The following GABRA2 variants were observed in gnomAD, a reference collection of about 807,000 sequenced individuals.
GABRA2 encodes the protein gamma-aminobutyric acid type A receptor subunit alpha2.
A neutral mutation model predicts 48.7 loss-of-function variants in GABRA2; 16 were observed. The observed-to-expected ratio is 0.33, with a 90% CI of 0.22 to 0.50. GABRA2 has a LOEUF of 0.50. GABRA2 is among the 20% of genes least tolerant of loss of function. The probability of loss-of-function intolerance (pLI) is 0.98; values close to 1 mark genes in which losing one functional copy is unlikely to be tolerated. For missense variants in GABRA2, 275 were observed against 535.6 expected, an observed-to-expected ratio of 0.51 and a Z score of 4.80; for synonymous variants, 185 against 184.5, an observed-to-expected ratio of 1.00 and a Z score of -0.02.
At chr4:46,386,844 A>T (rs1717528576) in intron 2 of GABRA2, 1 of 152,284 alleles carries the variant, frequency 6.6e-6, no homozygotes, top group Admixed American at 6.5e-5. Flanking sequence ...AGCTGCAGAG[A>T]TCCTTAGAGC....
In GABRA2 at chr4:46,315,853, A is replaced by G. The variant is rs1015424397; in HGVS notation, c.256-3137T>C. Among the ~76,000 whole-genome samples the G allele has an allele frequency of 5.3e-5, 8 of 151,566 alleles. No individual in the cohort carries two copies. The East Asian group carries it at 1.4e-3, about 26-fold the overall frequency. Reference sequence around the variant, plus strand: ...TTCCTCTTCTGTTTATCCCTTCTCAATCACAGCCCCCTAGTCTCTGAGGAA... The same window carrying G: ...TTCCTCTTCTGTTTATCCCTTCTCAGTCACAGCCCCCTAGTCTCTGAGGAA... On this transcript the variant is annotated intron_variant, in intron 4 of 9. Transcript: ENST00000381620.
At chr4:46,264,270 G>A (rs1186659224) in intron 8 of GABRA2, among the ~76,000 whole-genome samples, 1 of 151,954 alleles carries the variant, frequency 6.6e-6, no homozygotes, top group African/African-American at 2.4e-5. Context: ...TGCAAATAGG[G>A]AGAGTTTTAC....
rs1713852557 is a variant in GABRA2, at chr4:46,247,129, G to T, written c.*3179C>A. On this transcript the variant is annotated 3_prime_UTR_variant, in exon 10 of 10. Coordinates refer to ENST00000381620, the MANE Select transcript of GABRA2 (RefSeq NM_000807.4). ...TCAAGGGGATCACTTATCCAAACCTGAGATAAATTCAAAATAGAGAGATAC... is the reference window on the plus strand; with the variant it reads ...TCAAGGGGATCACTTATCCAAACCTTAGATAAATTCAAAATAGAGAGATAC... Among the ~76,000 whole-genome samples the T allele has an allele frequency of 6.6e-6, 1 of 151,160 alleles. No homozygotes were observed. Among genetic ancestry groups the T allele is most frequent in the South Asian group, 2.1e-4 (1 of 4,822 alleles).
chr4:46,347,271 T>A (rs1434222460), intron 3 of GABRA2, among the ~76,000 whole-genome samples: 1 of 151,754 alleles, frequency 6.6e-6, no homozygotes, highest in African/African-American at 2.4e-5. Flanking sequence ...TGACAAAATA[T>A]CTTGAATAGC....
At chr4:46,258,663 G>A (rs1716338433) in intron 9 of GABRA2, among the ~76,000 whole-genome samples, 1 of 151,744 alleles carries the variant, frequency 6.6e-6, no homozygotes, top group African/African-American at 2.4e-5. Context: ...AATAGTGGCA[G>A]CTGCCAGGAT....
chr4:46,275,803 T>C (rs894170012), intron 8 of GABRA2, among the ~76,000 whole-genome samples: 9 of 152,252 alleles, frequency 5.9e-5, no homozygotes, highest in African/African-American at 1.7e-4. Flanking sequence ...TTGTGATAAA[T>C]AGTACATCAT....
At chr4:46,304,435 G>C (rs1726279305) in intron 7 of GABRA2, among the ~76,000 whole-genome samples, 1 of 151,950 alleles carries the variant, frequency 6.6e-6, no homozygotes, top group Non-Finnish European at 1.5e-5. Flanking sequence ...CAAAATGTAA[G>C]ATAATTAGTC....
intron 3 of GABRA2, among the ~76,000 whole-genome samples, chr4:46,375,865 C>G (rs1372057457): frequency 1.3e-5 from 2 of 152,166 alleles, no homozygotes; most frequent in Non-Finnish European, 2.9e-5. Context: ...CCGGCAAATC[C>G]TAAGCCCTTA....
At position 46,390,059 on chromosome 4, in the gene GABRA2, G is replaced by GA; in HGVS notation, c.-336_-335insT. 4 of 276,120 alleles carry GA rather than the reference G, an allele frequency of 1.4e-5. 1 individual carries two copies. Among genetic ancestry groups the GA allele is most frequent in the Non-Finnish European group, 2.2e-5 (4 of 185,776 alleles). 17.1% of individuals were successfully genotyped at this position (276,120 alleles called of 1,614,324 possible). A position where few individuals can be genotyped will look rare whatever the true frequency, so the allele number is the denominator to read the frequency against. On this transcript the variant is annotated 5_prime_UTR_variant, in exon 1 of 10. Transcript: ENST00000381620. Reference sequence around the variant, plus strand: ...AACGATGACAGGAGCTGGGGCCGGGGGGGGAAATTGGGGGGACGCGGGCGG... The same window carrying GA: ...AACGATGACAGGAGCTGGGGCCGGGGAGGGGAAATTGGGGGGACGCGGGCGG...
At chr4:46,339,808 A>T (rs1185008650) in intron 3 of GABRA2, among the ~76,000 whole-genome samples, 3 of 151,808 alleles carry the variant, frequency 2.0e-5, no homozygotes, top group African/African-American at 7.2e-5. Context: ...TTCTGTATTT[A>T]TACTTCTTTG....
Position 46,388,671 on chromosome 4 carries a change from G to A in GABRA2, c.36C>T (p.Phe12=). The part of the protein sequence containing the change: ...KTKLNIYNMQ[F]LLFVFLVWDP... ...CCCACACCAAGAAAACAAAAAGCAG[G>A]AACTGCATGTTGTAGATGTTCAATT... Residue 12 remains phenylalanine (F), a synonymous_variant, in exon 2 of 10, where the codon TTC becomes TTT. Transcript: ENST00000381620. 1 of 1,613,930 alleles carries A rather than the reference G, an allele frequency of 6.2e-7. No homozygotes were observed. Among genetic ancestry groups the A allele is most frequent in the South Asian group, 1.1e-5 (1 of 91,064 alleles).
chr4:46,382,935 T>C (rs1251648502), intron 3 of GABRA2, among the ~76,000 whole-genome samples: 1 of 152,166 alleles, frequency 6.6e-6, no homozygotes, highest in Non-Finnish European at 1.5e-5. Context: ...ATGTGCAGTT[T>C]GATACATTAA....
At chr4:46,311,970 G>A (rs1485919744) in intron 5 of GABRA2, among the ~76,000 whole-genome samples, 4 of 152,094 alleles carry the variant, frequency 2.6e-5, no homozygotes, top group East Asian at 1.9e-4. Flanking sequence ...ATGGTGGCAC[G>A]TGCCTGTAGT....
At chr4:46,340,845 T>C (rs1466145460) in intron 3 of GABRA2, among the ~76,000 whole-genome samples, 1 of 152,042 alleles carries the variant, frequency 6.6e-6, no homozygotes, top group African/African-American at 2.4e-5. Context: ...TTTCCTTTCC[T>C]TCTAGAAATT....
chr4:46,295,596 A>G (rs940792926), intron 8 of GABRA2, among the ~76,000 whole-genome samples: 1 of 152,114 alleles, frequency 6.6e-6, no homozygotes, highest in African/African-American at 2.4e-5. Flanking sequence ...GCAGGGATGG[A>G]GCTTATGCAT....
intron 8 of GABRA2, among the ~76,000 whole-genome samples, chr4:46,276,797 G>A (rs911134169): frequency 6.6e-6 from 1 of 151,922 alleles, no homozygotes; most frequent in Non-Finnish European, 1.5e-5. Flanking sequence ...TTTCCTAACT[G>A]GGGATTTTTT....
intron 8 of GABRA2, among the ~76,000 whole-genome samples, chr4:46,285,297 G>T (rs906257013): frequency 2.6e-5 from 4 of 151,914 alleles, no homozygotes; most frequent in Non-Finnish European, 4.4e-5. Context: ...ATATTGTAAA[G>T]AACTCATACA....
chr4:46,265,868 ATT>A (rs1419822071), intron 8 of GABRA2, among the ~76,000 whole-genome samples: 1 of 151,912 alleles, frequency 6.6e-6, no homozygotes, highest in Non-Finnish European at 1.5e-5. Flanking sequence ...AACATACGTT[ATT>A]TTTTGTTTCC....
At chr4:46,254,002 A>T (rs575692693) in intron 9 of GABRA2, among the ~76,000 whole-genome samples, 13 of 151,534 alleles carry the variant, frequency 8.6e-5, no homozygotes, top group Non-Finnish European at 1.6e-4. Flanking sequence ...CTGACTTACA[A>T]TTCTAAGATC....
Sources: allele counts gnomAD v4.1 joint callset (sites outside exome capture counted in the v4.1 genomes callset), GRCh38; gene constraint gnomAD v4.1.1; transcripts MANE v1.5; gene names NCBI Gene and HGNC (gene_info 2026-07-23, HGNC 2026-07-21).